DIAPH3: variants seen among roughly 807,000 people sequenced by gnomAD.
DIAPH3 encodes protein diaphanous homolog 3.
Under a neutral mutation model 144.3 loss-of-function variants are expected in DIAPH3, and 117 were observed. The ratio of observed to expected loss-of-function variants is 0.81; its 90% CI spans 0.70 to 0.95. The LOEUF (loss-of-function observed/expected upper bound fraction) is 0.95, where lower values mean the gene tolerates loss of function less well. DIAPH3 is among the 40% of genes least tolerant of loss of function. The pLI is 0.00. For missense variants in DIAPH3, 1,421 were observed against 1,412.7 expected (o/e 1.01, Z -0.09); for synonymous variants, 519 against 488.9 (o/e 1.06, Z -0.81).
chr13:59,697,781 A>G (rs1346218845), intron 27 of DIAPH3, among the ~76,000 whole-genome samples: 2 of 152,184 alleles, frequency 1.3e-5, no homozygotes, highest in African/African-American at 2.4e-5. Flanking sequence ...CCTATTGATA[A>G]AAGGAAAGGA....
In DIAPH3 at chr13:59,955,998, G is replaced by C. The variant is rs71432797; in HGVS notation, c.2074+13946C>G. On this transcript the variant is annotated intron_variant, in intron 17 of 27. Transcript: ENST00000400324. ...AATTTCCAAGCAGCAAAGCATTCAA[G>C]ATGTGACTTGGGTGCTGTTAAAAGC... 1.7e-3 allele frequency among the ~76,000 whole-genome samples: 265 copies of C among 152,274 alleles called. 1 individual carries two copies. Among genetic ancestry groups the C allele is most frequent in the Middle Eastern group, 3.4e-3 (1 of 294 alleles).
chr13:59,668,824 C>T (rs182144783), intron 27 of DIAPH3, among the ~76,000 whole-genome samples: 27 of 139,082 alleles, frequency 1.9e-4, no homozygotes, highest in Admixed American at 1.1e-3. Flanking sequence ...TATATATACA[C>T]ATATATATAT....
intron 4 of DIAPH3, among the ~76,000 whole-genome samples, chr13:60,046,027 A>C (rs1450095492): frequency 2.0e-5 from 3 of 152,222 alleles, no homozygotes; most frequent in Non-Finnish European, 4.4e-5. Context: ...CTAAATATTC[A>C]TTATTACCTT....
At chr13:59,820,785 A>T (rs2041028369) in intron 24 of DIAPH3, among the ~76,000 whole-genome samples, 1 of 150,126 alleles carries the variant, frequency 6.7e-6, no homozygotes, top group Non-Finnish European at 1.5e-5. Flanking sequence ...TAATAGTATT[A>T]AATACTATTT....
Position 59,666,646 on chromosome 13 carries a change from AAG to A in DIAPH3, c.3518_3519del (p.Ser1173PhefsTer3). 6.2e-7 allele frequency: 1 copy of A among 1,614,130 alleles called. No individual in the cohort carries two copies. The highest frequency in any genetic ancestry group is 1.7e-5 in the Admixed American group (1 of 60,016). ...NRKKETELLGSFSKNESVPEV... is the reference protein window; with the variant it reads ...NRKKETELLGXFSKNESVPEV... The stretch of plus-strand genomic sequence containing the variant: ...TCGGGAACTGATTCATTTTTAGAAA[AAG>A]AGCCAAGAAGTTCCGTTTCCTTTTT... On this transcript the variant is annotated frameshift_variant, in exon 28 of 28. Transcript: ENST00000400324. LOFTEE classifies it high-confidence loss of function.
At chr13:59,792,906 T>C (rs2039399592) in intron 25 of DIAPH3, among the ~76,000 whole-genome samples, 1 of 152,196 alleles carries the variant, frequency 6.6e-6, no homozygotes, top group Non-Finnish European at 1.5e-5. Context: ...GGATCTGAAC[T>C]AGTACATATG....
rs1258043240 is a variant in DIAPH3 at position 60,145,531 on chromosome 13, TC to T, written c.181-12543del. Among the ~76,000 whole-genome samples the T allele has an allele frequency of 2.0e-5, 3 of 152,216 alleles. No homozygotes were observed. The East Asian group carries it at 5.8e-4, about 30-fold the overall frequency. On this transcript the variant is annotated intron_variant, in intron 1 of 27. Transcript: ENST00000400324. ...TGGGCGTGGTGGCGGGCACCTGTAG[TC>T]CCAGCTACTTGGGAGGCTGAGGCAG...
chr13:59,875,219 C>A (rs1286015360), intron 21 of DIAPH3, among the ~76,000 whole-genome samples: 3 of 152,162 alleles, frequency 2.0e-5, no homozygotes, highest in African/African-American at 7.2e-5. Flanking sequence ...AGTCTCCCCA[C>A]TCTCAAAATT....
chr13:59,927,896 T>C (rs1284716972), intron 17 of DIAPH3, among the ~76,000 whole-genome samples: 1 of 152,184 alleles, frequency 6.6e-6, no homozygotes, highest in Non-Finnish European at 1.5e-5. Flanking sequence ...TGGGAATCTT[T>C]GAGCTTCGTG....
chr13:59,905,924 T>C (rs779932391), intron 20 of DIAPH3, among the ~76,000 whole-genome samples: 16 of 152,310 alleles, frequency 1.1e-4, no homozygotes, highest in Middle Eastern at 6.8e-3. Flanking sequence ...TGTAAGATCA[T>C]AAACTTGTGT....
chr13:60,008,303 G>T (rs978675960), intron 9 of DIAPH3, among the ~76,000 whole-genome samples: 1 of 152,166 alleles, frequency 6.6e-6, no homozygotes, highest in Non-Finnish European at 1.5e-5. Flanking sequence ...GGCTGAGGCA[G>T]AAGAATGGTG....
intron 27 of DIAPH3, among the ~76,000 whole-genome samples, chr13:59,761,013 C>T (rs1350945920): frequency 6.6e-6 from 1 of 152,162 alleles, no homozygotes; most frequent in East Asian, 1.9e-4. Context: ...AATGCTGTCA[C>T]ATCACAATAA....
In DIAPH3 at chr13:59,971,045, G is replaced by A; in HGVS notation, c.1766C>T (p.Pro589Leu). The A allele has an allele frequency of 6.2e-7, 1 of 1,613,708 alleles. No homozygotes were observed. The highest frequency in any genetic ancestry group is 8.5e-7 in the Non-Finnish European group (1 of 1,179,858). ...PPLPSGGGVP[P>L]PPPPPPPPPL... Reference sequence around the variant, plus strand: ...AGGAGGTGGTGGGGGAGGAGGTGGAGGCGGCACCCCTCCACCAGAAGGCAG... The same window carrying A: ...AGGAGGTGGTGGGGGAGGAGGTGGAAGCGGCACCCCTCCACCAGAAGGCAG... Residue 589 changes from proline (P) to leucine (L), a missense_variant, in exon 16 of 28, where the codon CCT becomes CTT. Transcript: ENST00000400324.
intron 8 of DIAPH3, among the ~76,000 whole-genome samples, chr13:60,009,173 T>C (rs1402943947): frequency 6.6e-6 from 1 of 152,144 alleles, no homozygotes; most frequent in Non-Finnish European, 1.5e-5. Flanking sequence ...TATAATAGTA[T>C]GGTATTATAA....
chr13:60,094,187 A>G (rs1442984463), intron 3 of DIAPH3, among the ~76,000 whole-genome samples: 1 of 152,210 alleles, frequency 6.6e-6, no homozygotes, highest in East Asian at 1.9e-4. Context: ...AGCCACATCA[A>G]ATATCCAGTA....
intron 4 of DIAPH3, among the ~76,000 whole-genome samples, chr13:60,084,155 T>C (rs959427575): frequency 1.3e-5 from 2 of 152,092 alleles, no homozygotes; most frequent in African/African-American, 4.8e-5. Context: ...AGATGGTGAT[T>C]ACTTTTAGGC....
At chr13:60,160,347 G>A (rs56067469) in intron 1 of DIAPH3, among the ~76,000 whole-genome samples, 96 of 152,310 alleles carry the variant, frequency 6.3e-4, no homozygotes, top group African/African-American at 2.3e-3. Context: ...ACTGAAGTCT[G>A]TGAGAACTTT....
intron 22 of DIAPH3, among the ~76,000 whole-genome samples, chr13:59,840,338 TAGGATTTGAATTAATCCTGA>T (rs557468519): frequency 2.4e-4 from 37 of 152,180 alleles, no homozygotes; most frequent in Non-Finnish European, 3.4e-4. Context: ...CTGCCATTCT[TAGGATTTGAATTAATCCTGA>T]AGGATTTGAA....
chr13:59,770,100 G>C (rs771887790), intron 27 of DIAPH3, among the ~76,000 whole-genome samples: 1 of 151,940 alleles, frequency 6.6e-6, no homozygotes, highest in Non-Finnish European at 1.5e-5. Flanking sequence ...CATCTGATCC[G>C]ACAACTCTTT....
Sources: allele counts gnomAD v4.1 joint callset (sites outside exome capture counted in the v4.1 genomes callset), GRCh38; gene constraint gnomAD v4.1.1; transcripts MANE v1.5; gene names NCBI Gene and HGNC (gene_info 2026-07-23, HGNC 2026-07-21).